The following SDK1 variants were observed in gnomAD, a reference collection of about 807,000 sequenced individuals.
The protein encoded by SDK1 is sidekick cell adhesion molecule 1.
A neutral mutation model predicts 245.5 loss-of-function variants in SDK1; 157 were observed. That is an observed-to-expected ratio of 0.64 (90% CI 0.56 to 0.73). The LOEUF (loss-of-function observed/expected upper bound fraction) is 0.73. Among genes scored for constraint, SDK1 ranks in the 30% least tolerant of loss-of-function variants. The probability of loss-of-function intolerance (pLI) is 0.00; values close to 1 mark genes in which losing one functional copy is unlikely to be tolerated. For synonymous variants in SDK1, 1,647 were observed against 1,278.5 expected (o/e 1.29, Z -6.15); for missense variants, 3,583 against 3,002.3 (o/e 1.19, Z -4.52).
chr7:4,141,988 C>G (rs1779611709), intron 28 of SDK1, among the ~76,000 whole-genome samples: 1 of 152,100 alleles, frequency 6.6e-6, no homozygotes, highest in South Asian at 2.1e-4. Context: ...AACTCCTGAC[C>G]TTTTGATCCA....
chr7:3,779,516 C>G (rs17133816), intron 4 of SDK1, among the ~76,000 whole-genome samples: 7 of 151,464 alleles, frequency 4.6e-5, no homozygotes, highest in Non-Finnish European at 1.0e-4. Flanking sequence ...ATTTAAACAT[C>G]GGTGATTGGA....
chr7:3,562,202 C>T (rs892125422), intron 1 of SDK1, among the ~76,000 whole-genome samples: 3 of 152,206 alleles, frequency 2.0e-5, no homozygotes, highest in Admixed American at 1.3e-4. Context: ...AAGACAGACT[C>T]TTATCTCCAA....
chr7:3,727,315 G>A (rs1779039332), intron 4 of SDK1, among the ~76,000 whole-genome samples: 1 of 152,158 alleles, frequency 6.6e-6, no homozygotes, highest in South Asian at 2.1e-4. Context: ...TGTGTAATCA[G>A]AACCCCTTAA....
At chr7:4,106,715 T>G (rs1485522576) in intron 22 of SDK1, among the ~76,000 whole-genome samples, 2 of 152,084 alleles carry the variant, frequency 1.3e-5, no homozygotes, top group East Asian at 3.9e-4. Flanking sequence ...TCCCCCACTC[T>G]CCTGCTCTCT....
chr7:3,413,929 C>T (rs1428487693), intron 1 of SDK1, among the ~76,000 whole-genome samples: 1 of 152,140 alleles, frequency 6.6e-6, no homozygotes, highest in Non-Finnish European at 1.5e-5. Flanking sequence ...GCAGTGATTG[C>T]ACCATTGCAC....
chr7:3,643,234 C>A (rs1248899780), intron 4 of SDK1: 1 of 151,456 alleles, frequency 6.6e-6, no homozygotes, highest in East Asian at 2.0e-4. Context: ...TCTGTGGAAT[C>A]CCTTCCCTAA....
In SDK1 at chr7:3,582,704, AAAAAAG is replaced by A. The variant is rs1428550608; in HGVS notation, c.299-36375_299-36370del. On this transcript the variant is annotated intron_variant, in intron 1 of 44. Transcript: ENST00000404826. ...AAAGTAAAAAAAAAAAAAAAAAAAA[AAAAAAG>A]GTACCATCAGGGCTAGTCTGAGACT... Among the ~76,000 whole-genome samples the A allele has an allele frequency of 1.3e-4, 19 of 150,668 alleles. No individual in the cohort carries two copies. In the South Asian group the frequency reaches 4.0e-3, roughly 31 times the overall value.
chr7:3,406,554 G>T (rs752064912), intron 1 of SDK1, among the ~76,000 whole-genome samples: 1 of 151,918 alleles, frequency 6.6e-6, no homozygotes, highest in Non-Finnish European at 1.5e-5. Flanking sequence ...CTTGAGCTTT[G>T]GTTAGTTATT....
At chr7:4,050,459 C>T (rs191161166) in intron 18 of SDK1, among the ~76,000 whole-genome samples, 6 of 152,320 alleles carry the variant, frequency 3.9e-5, no homozygotes, top group East Asian at 1.9e-4. Flanking sequence ...CTGCAGTGTT[C>T]GTTTGATGAC....
chr7:4,221,197 C>T (rs1284253270), intron 39 of SDK1, 42 bp from the exon 40 acceptor site: 5 of 1,608,018 alleles, frequency 3.1e-6, no homozygotes, highest in Non-Finnish European at 3.4e-6. Flanking sequence ...GTGAGCCCCG[C>T]AGGGCTGATG....
chr7:3,648,438 T>C (rs1265051830), intron 4 of SDK1, among the ~76,000 whole-genome samples: 1 of 152,242 alleles, frequency 6.6e-6, no homozygotes, highest in East Asian at 1.9e-4. Context: ...GTTTCAAACC[T>C]TCAGTCAGCT....
At chr7:3,649,418 A>T (rs756856170) in intron 4 of SDK1, among the ~76,000 whole-genome samples, 1 of 151,954 alleles carries the variant, frequency 6.6e-6, no homozygotes, top group Non-Finnish European at 1.5e-5. Context: ...TGCTGTTGGT[A>T]TGCATTCCTG....
In SDK1 at chr7:3,993,666, C is replaced by CTGG. The variant is rs1784508445; in HGVS notation, c.2131+6344_2131+6345insTGG. 2.0e-5 allele frequency among the ~76,000 whole-genome samples: 3 copies of CTGG among 152,318 alleles called. 1 individual carries two copies. The South Asian group carries it at 6.2e-4, about 32-fold the overall frequency. ...CCACATATGTTGAAAGCCAGCCCTG[C>CTGG]ACCCAAGCCCTTGGTCCCTCCTCCA... On this transcript the variant is annotated intron_variant, in intron 14 of 44. Coordinates refer to ENST00000404826, the MANE Select transcript of SDK1 (RefSeq NM_152744.4).
rs547252611 is a variant in SDK1, at chr7:3,871,394, T to G, written c.847+49811T>G. Among the ~76,000 whole-genome samples the G allele has an allele frequency of 2.0e-5, 3 of 152,130 alleles. No individual in the cohort carries two copies. The South Asian group carries it at 6.3e-4, about 32-fold the overall frequency. ...GAATTGTATTTCTTCCTCTCGAATC[T>G]GTATTGCCTTGTTGCACTGGTTAGG... On this transcript the variant is annotated intron_variant, in intron 5 of 44. Transcript: ENST00000404826.
intron 1 of SDK1, among the ~76,000 whole-genome samples, chr7:3,515,203 A>G (rs1444386349): frequency 6.6e-6 from 1 of 152,168 alleles, no homozygotes; most frequent in Non-Finnish European, 1.5e-5. Context: ...GGGCTGTGCA[A>G]CTGAATACTG....
intron 9 of SDK1, among the ~76,000 whole-genome samples, 156 bp downstream of exon 9, chr7:3,963,007 G>C (rs1255282441): frequency 7.8e-6 from 1 of 128,308 alleles, no homozygotes; most frequent in African/African-American, 3.4e-5. Context: ...ATGGCTACCT[G>C]GATGTAACCA....
chr7:3,921,210 AT>A (rs1199688028), intron 5 of SDK1, among the ~76,000 whole-genome samples: 15 of 152,224 alleles, frequency 9.9e-5, no homozygotes, highest in Admixed American at 6.5e-4. Context: ...TAAAAAATAC[AT>A]TTTTTAGCAA....
chr7:3,325,940 G>A (rs7779576), intron 1 of SDK1, among the ~76,000 whole-genome samples: 4 of 151,860 alleles, frequency 2.6e-5, no homozygotes, highest in African/African-American at 4.8e-5. Context: ...GAACCATCTC[G>A]CTTGGTTGTA....
intron 4 of SDK1, among the ~76,000 whole-genome samples, chr7:3,670,708 G>A (rs1024118105): frequency 2.0e-5 from 3 of 152,110 alleles, no homozygotes; most frequent in Admixed American, 1.3e-4. Context: ...ATACCCACCC[G>A]CTTGCTTCCC....
Sources: gnomAD v4.1 joint callset for allele counts (sites outside exome capture counted in the v4.1 genomes callset) on GRCh38, gnomAD v4.1.1 for gene constraint, MANE v1.5 for transcripts, NCBI Gene and HGNC (gene_info 2026-07-23, HGNC 2026-07-21) for gene names.